Variants in ATAD3C observed in about 807,000 individuals in gnomAD.
ATAD3C encodes ATPase family AAA domain-containing protein 3C.
Under a neutral mutation model 46.3 loss-of-function variants are expected in ATAD3C, and 38 were observed. That is an observed-to-expected ratio of 0.82 (90% CI 0.63 to 1.08). The LOEUF is 1.08. Among genes scored for constraint, ATAD3C ranks in the 50% least tolerant of loss-of-function variants. The pLI is 0.00. For synonymous variants in ATAD3C, 220 were observed against 236.4 expected (o/e 0.93, Z 0.63); for missense variants, 563 against 572.7 (o/e 0.98, Z 0.17).
intron 5 of ATAD3C, 50 bp from the exon 6 acceptor site, chr1:1,455,741 G>C (rs763355728): frequency 6.2e-7 from 1 of 1,608,988 alleles, no homozygotes; most frequent in Admixed American, 1.7e-5. Flanking sequence ...TGCCCCCGAG[G>C]CTTCTGTGGG....
intron 7 of ATAD3C, among the ~76,000 whole-genome samples, chr1:1,456,869 A>G (rs1197918843): frequency 6.6e-6 from 1 of 151,438 alleles, no homozygotes; most frequent in Non-Finnish European, 1.5e-5. Flanking sequence ...TTGACCTTTC[A>G]CTTTAGAAGA....
chr1:1,461,786 G>GA (rs1639072913), intron 10 of ATAD3C, among the ~76,000 whole-genome samples: 4 of 152,014 alleles, frequency 2.6e-5, no homozygotes, highest in East Asian at 1.9e-4. Flanking sequence ...GGCTCCTCAT[G>GA]GTCCACTGCT....
chr1:1,452,491 C>A (rs1252561394), intron 3 of ATAD3C, 57 bp downstream of exon 3: 1 of 1,610,990 alleles, frequency 6.2e-7, no homozygotes, highest in African/African-American at 1.3e-5. Context: ...ATGTGGGGGC[C>A]TCCTGGAGCC....
Position 1,460,858 on chromosome 1 carries a change from G to C in ATAD3C, c.921G>C (p.Ala307=). Residue 307 remains alanine (A), a synonymous_variant, in exon 10 of 12, where the codon GCG becomes GCC. Coordinates refer to ENST00000378785, the MANE Select transcript of ATAD3C (RefSeq NM_001039211.3). ...ACCTGCCAGGGCAGGAGGAGCGGGC[G>C]CGCCTGGTGAGAATGTATCTTAACG... ...HFDLPGQEER[A]RLVRMYLNEY... is the part of the protein sequence containing the mutation. 1 of 1,612,866 alleles carries C rather than the reference G, an allele frequency of 6.2e-7. No homozygotes were observed. Among genetic ancestry groups the C allele is most frequent in the Non-Finnish European group, 8.5e-7 (1 of 1,179,414 alleles).
Position 1,462,425 on chromosome 1 carries a change from C to T in ATAD3C, c.981-175C>T. ...GCCCCACAGCCGCCCCCTTCCTGCT[C>T]AGCCCAGGCCTGGCTTGCGTCAGGA... On this transcript the variant is annotated intron_variant, in intron 10 of 11. Coordinates refer to ENST00000378785, the MANE Select transcript of ATAD3C (RefSeq NM_001039211.3). The surrounding 1 kb of genome is among the most constrained non-coding windows in gnomAD (Gnocchi z 4.5). The T allele has an allele frequency of 1.6e-6, 1 of 641,748 alleles. No individual in the cohort carries two copies. The highest frequency in any genetic ancestry group is 3.2e-5 in the East Asian group (1 of 31,652). The allele number at this position is 641,748 out of a possible 1,614,324, so 39.8% of individuals were successfully genotyped here.
At chr1:1,455,956 G>A (rs1392893292) in intron 6 of ATAD3C, 40 bp downstream of exon 6, 2 of 1,611,032 alleles carry the variant, frequency 1.2e-6, no homozygotes, top group Non-Finnish European at 1.7e-6. Context: ...AGGGGCCGCT[G>A]GGGTCTCACC....
rs866674093 is a variant in ATAD3C at position 1,462,574 on chromosome 1, G to A, written c.981-26G>A. 29 of 1,566,436 alleles carry A rather than the reference G, an allele frequency of 1.9e-5. No individual in the cohort carries two copies. The African/African-American group carries it at 2.8e-4, about 15-fold the overall frequency. On this transcript the variant is annotated intron_variant, in intron 10 of 11. Coordinates refer to ENST00000378785, the MANE Select transcript of ATAD3C (RefSeq NM_001039211.3). The surrounding 1 kb of genome is among the most constrained non-coding windows in gnomAD (Gnocchi z 4.5). ...TGGTGTGGGAGCTGCTGCCTTGGCC[G>A]GCCCACTTGGGAACTCCTTCCCCAG...
chr1:1,463,240 G>C (rs1359426056), intron 11 of ATAD3C, among the ~76,000 whole-genome samples: 1 of 152,056 alleles, frequency 6.6e-6, no homozygotes, highest in Non-Finnish European at 1.5e-5. Flanking sequence ...CAAGGAGCTG[G>C]GACTCACAGG....
Position 1,450,082 on chromosome 1 carries a change from A to G in ATAD3C, c.-602A>G, listed in dbSNP as rs1469280435. On this transcript the variant is annotated 5_prime_UTR_variant, in exon 1 of 12. Transcript: ENST00000378785. ...GGTGGCTCACACCTGTAATCCCAGC[A>G]CTTTGGGAGGCTGAGGTGGGCGGAT... 6.6e-6 allele frequency: 1 copy of G among 152,240 alleles called. No individual in the cohort carries two copies. Among genetic ancestry groups the G allele is most frequent in the African/African-American group, 2.4e-5 (1 of 41,404 alleles). 9.4% of individuals were successfully genotyped at this position (152,240 alleles called of 1,614,324 possible).
rs139601047 is a variant in ATAD3C, at chr1:1,468,313, A to G, written c.1090-71A>G. 0.012 allele frequency: 18,883 copies of G among 1,537,368 alleles called. 1,588 individuals carry two copies. The African/African-American group carries it at 0.2, about 17-fold the overall frequency. The stretch of plus-strand genomic sequence containing the variant: ...CCCTGGTTTGGTCCCTCCCCACCTC[A>G]GGGCCCTGGCGTGCATTTGGGGTGG... On this transcript the variant is annotated intron_variant, in intron 11 of 11. Coordinates refer to ENST00000378785, the MANE Select transcript of ATAD3C (RefSeq NM_001039211.3).
rs956743914 is a variant in ATAD3C at position 1,452,407 on chromosome 1, G to T, written c.195G>T (p.Val65=). Residue 65 remains valine, a synonymous_variant, in exon 3 of 12, where the codon GTG becomes GTT. Transcript: ENST00000378785. ...TLFGEGFRAF[V]TDRDKVTATV... ...TTGGGGAAGGATTCCGTGCCTTTGT[G>T]ACAGACCGGGACAAAGTGACAGCCA... 3 of 1,613,732 alleles carry T rather than the reference G, an allele frequency of 1.9e-6. No homozygotes were observed. Among genetic ancestry groups the T allele is most frequent in the Non-Finnish European group, 2.5e-6 (3 of 1,179,734 alleles).
intron 11 of ATAD3C, among the ~76,000 whole-genome samples, chr1:1,463,018 A>G (rs2100489062): frequency 6.6e-6 from 1 of 152,192 alleles, no homozygotes; most frequent in South Asian, 2.1e-4. Flanking sequence ...CTTGGCAGAC[A>G]GGCACCCCCC....
At chr1:1,464,370 G>A (rs1157704687) in intron 11 of ATAD3C, among the ~76,000 whole-genome samples, 2 of 151,906 alleles carry the variant, frequency 1.3e-5, no homozygotes. Flanking sequence ...GGCAGAGAGA[G>A]CAACTCAGCT....
Position 1,457,222 on chromosome 1 carries a change from G to C in ATAD3C, c.741+42G>C, listed in dbSNP as rs573164917. 1.1e-4 allele frequency: 171 copies of C among 1,612,340 alleles called. No homozygotes were observed. The African/African-American group carries it at 1.4e-3, about 14-fold the overall frequency. On this transcript the variant is annotated intron_variant, in intron 8 of 11. Transcript: ENST00000378785. ...CTCTGTCTGGCCACAGGAGGGTGGT[G>C]GGGTGTGTGCGGCTGTCATCCTGGG...
At chr1:1,457,057 C>A in intron 7 of ATAD3C, 72 bp from the exon 8 acceptor site, 1 of 1,601,836 alleles carries the variant, frequency 6.2e-7, no homozygotes, top group Non-Finnish European at 8.5e-7. Flanking sequence ...CCTGCTCCTG[C>A]CATGGCCGGA....
intron 11 of ATAD3C, among the ~76,000 whole-genome samples, chr1:1,468,011 G>A (rs1368585342): frequency 6.6e-6 from 1 of 151,880 alleles, no homozygotes; most frequent in African/African-American, 2.4e-5. Context: ...CAGGGTCTGA[G>A]GGTCTGAGGT....
chr1:1,464,616 C>G (rs184226265), intron 11 of ATAD3C, among the ~76,000 whole-genome samples: 1 of 151,736 alleles, frequency 6.6e-6, no homozygotes, highest in African/African-American at 2.4e-5. Context: ...ACTAAAAATA[C>G]GAAACTTAGC....
rs751692275 is a variant in ATAD3C, at chr1:1,468,410, G to A, written c.1116G>A (p.Gly372=). Residue 372 remains glycine (G), a synonymous_variant, in exon 12 of 12, where the codon GGG becomes GGA. Coordinates refer to ENST00000378785, the MANE Select transcript of ATAD3C (RefSeq NM_001039211.3). ...CCACGGCGTATGCCTCCAAGGACGG[G>A]GTCCTGACCGAGGCCATGATGGACG... The part of the protein sequence containing the change: ...WQATAYASKD[G]VLTEAMMDAC... 3 of 1,612,502 alleles carry A rather than the reference G, an allele frequency of 1.9e-6. No individual in the cohort carries two copies. Among genetic ancestry groups the A allele is most frequent in the East Asian group, 2.2e-5 (1 of 44,872 alleles).
chr1:1,467,737 C>A (rs1230262844), intron 11 of ATAD3C, among the ~76,000 whole-genome samples: 1 of 152,078 alleles, frequency 6.6e-6, no homozygotes, highest in Non-Finnish European at 1.5e-5. Context: ...TCACCCTGAC[C>A]CATGGGTGCC....
Sources: allele counts gnomAD v4.1 joint callset (sites outside exome capture counted in the v4.1 genomes callset), GRCh38; gene constraint gnomAD v4.1.1; non-coding constraint Gnocchi (gnomAD v3.1); transcripts MANE v1.5; gene names NCBI Gene and HGNC (gene_info 2026-07-23, HGNC 2026-07-21).